The following CNTN5 variants were observed in gnomAD, a reference collection of about 807,000 sequenced individuals.
The protein encoded by CNTN5 is contactin 5.
A neutral mutation model predicts 129.1 loss-of-function variants in CNTN5; 77 were observed. The ratio of observed to expected loss-of-function variants is 0.60; its 90% CI spans 0.50 to 0.72. The LOEUF (loss-of-function observed/expected upper bound fraction) is 0.72, where lower values mean the gene tolerates loss of function less well. CNTN5 is among the 30% of genes least tolerant of loss of function. CNTN5 has a pLI of 0.00. For synonymous variants in CNTN5, 509 were observed against 465.6 expected (o/e 1.09, Z -1.20); for missense variants, 1,478 against 1,328.8 (o/e 1.11, Z -1.75).
intron 7 of CNTN5, among the ~76,000 whole-genome samples, chr11:99,940,251 T>A (rs1054847200): frequency 6.6e-6 from 1 of 152,130 alleles, no homozygotes; most frequent in Admixed American, 6.6e-5. Flanking sequence ...GGTTATGCAT[T>A]AAGATGATAT....
rs76656518 is a variant in CNTN5, at chr11:99,204,430, A to T, written c.-209-120916A>T. Among the ~76,000 whole-genome samples the T allele has an allele frequency of 3.8e-3, 580 of 152,246 alleles. 1 individual carries two copies. Among genetic ancestry groups the T allele is most frequent in the African/African-American group, 0.013 (535 of 41,550 alleles). On this transcript the variant is annotated intron_variant, in intron 1 of 24. Transcript: ENST00000524871. ...CACTTATTCCTTTTTTTCCCCTCTAACAGTTACAAGTCTTCATGTTATTGA... is the reference window on the plus strand; with the variant it reads ...CACTTATTCCTTTTTTTCCCCTCTATCAGTTACAAGTCTTCATGTTATTGA...
At chr11:99,690,850 G>A (rs1181905210) in intron 3 of CNTN5, among the ~76,000 whole-genome samples, 1 of 151,884 alleles carries the variant, frequency 6.6e-6, no homozygotes, top group Non-Finnish European at 1.5e-5. Flanking sequence ...ACTCTTTTTT[G>A]TACATCTGGT....
At chr11:99,791,309 T>A (rs1418985263) in intron 3 of CNTN5, among the ~76,000 whole-genome samples, 2 of 152,110 alleles carry the variant, frequency 1.3e-5, no homozygotes, top group African/African-American at 4.8e-5. Flanking sequence ...CCATCTTGAG[T>A]TGCTTCTTGT....
chr11:99,381,714 G>C (rs1231717736), intron 2 of CNTN5, among the ~76,000 whole-genome samples: 1 of 152,054 alleles, frequency 6.6e-6, no homozygotes, highest in Admixed American at 6.6e-5. Flanking sequence ...AAACTTTCTA[G>C]GACTCCTATT....
chr11:100,200,551 T>G (rs1373669761), intron 15 of CNTN5, among the ~76,000 whole-genome samples: 1 of 151,914 alleles, frequency 6.6e-6, no homozygotes, highest in Non-Finnish European at 1.5e-5. Context: ...AATTTTTATT[T>G]TGGTGTAGAA....
At chr11:99,517,389 GACT>G in intron 2 of CNTN5, among the ~76,000 whole-genome samples, 1 of 152,046 alleles carries the variant, frequency 6.6e-6, no homozygotes. Flanking sequence ...CTAATCACAT[GACT>G]CCTTTCCTTA....
chr11:99,982,841 C>T (rs1029975942), intron 8 of CNTN5, among the ~76,000 whole-genome samples: 1 of 152,160 alleles, frequency 6.6e-6, no homozygotes, highest in African/African-American at 2.4e-5. Context: ...CGGGGTTTCA[C>T]CGTATTAGCC....
At chr11:99,951,114 T>G (rs1041367225) in intron 7 of CNTN5, among the ~76,000 whole-genome samples, 6 of 152,164 alleles carry the variant, frequency 3.9e-5, no homozygotes, top group African/African-American at 1.2e-4. Context: ...TAAATAGCTT[T>G]CCTAAAGGTC....
intron 3 of CNTN5, among the ~76,000 whole-genome samples, chr11:99,672,330 C>T (rs1184021961): frequency 2.0e-5 from 3 of 151,878 alleles, no homozygotes; most frequent in Admixed American, 6.6e-5. Flanking sequence ...TAGTTTTTTT[C>T]TTAGTAGGCT....
At chr11:99,501,601 C>T (rs535727858) in intron 2 of CNTN5, among the ~76,000 whole-genome samples, 50 of 151,906 alleles carry the variant, frequency 3.3e-4, no homozygotes, top group Admixed American at 1.2e-3. Flanking sequence ...ATTCTTAGGA[C>T]AAAAAAAGTT....
At chr11:100,117,015 A>C (rs1945860912) in intron 13 of CNTN5, among the ~76,000 whole-genome samples, 1 of 152,006 alleles carries the variant, frequency 6.6e-6, no homozygotes, top group Non-Finnish European at 1.5e-5. Flanking sequence ...TGTGTCTATC[A>C]AAGTCACATG....
At chr11:99,310,784 GA>G (rs1175382462) in intron 1 of CNTN5, among the ~76,000 whole-genome samples, 3 of 152,052 alleles carry the variant, frequency 2.0e-5, no homozygotes, top group Non-Finnish European at 4.4e-5. Context: ...ATACTATTAT[GA>G]ATTGCCTATT....
intron 1 of CNTN5, among the ~76,000 whole-genome samples, chr11:99,279,233 C>T (rs1467055086): frequency 6.6e-6 from 1 of 151,760 alleles, no homozygotes; most frequent in Non-Finnish European, 1.5e-5. Context: ...TCTATTGTTA[C>T]TGAACTCTGA....
At chr11:99,225,254 CT>C (rs1353880573) in intron 1 of CNTN5, among the ~76,000 whole-genome samples, 1 of 152,002 alleles carries the variant, frequency 6.6e-6, no homozygotes, top group East Asian at 1.9e-4. Context: ...GATCGTGGCC[CT>C]CCGTGTGACA....
At chr11:99,311,205 G>T (rs974988596) in intron 1 of CNTN5, among the ~76,000 whole-genome samples, 3 of 152,150 alleles carry the variant, frequency 2.0e-5, no homozygotes, top group African/African-American at 7.2e-5. Context: ...GAGATTACAG[G>T]CATGAGCCAC....
rs1942314038 is a variant in CNTN5 at position 99,409,939 on chromosome 11, A to G, written c.-71+84455A>G. Among the ~76,000 whole-genome samples, 3 of 152,338 alleles carry G rather than the reference A, an allele frequency of 2.0e-5. No homozygotes were observed. In the South Asian group the frequency reaches 6.2e-4, roughly 32 times the overall value. ...TATCATTTATTGTTACTATATTCCA[A>G]TTTCTGTGCTAGGCACTTACACTTA... On this transcript the variant is annotated intron_variant, in intron 2 of 24. Transcript: ENST00000524871.
chr11:99,838,609 G>T (rs1947378246), intron 4 of CNTN5, among the ~76,000 whole-genome samples: 1 of 152,290 alleles, frequency 6.6e-6, no homozygotes, highest in South Asian at 2.1e-4. Context: ...CATGCTGTCA[G>T]TTATAGCTCC....
chr11:99,065,997 A>G (rs1379385655), intron 1 of CNTN5, among the ~76,000 whole-genome samples: 2 of 152,000 alleles, frequency 1.3e-5, no homozygotes, highest in Non-Finnish European at 2.9e-5. Flanking sequence ...TGACTGTGGA[A>G]TTTTTTATAA....
At chr11:99,095,682 CAT>C (rs989408882) in intron 1 of CNTN5, among the ~76,000 whole-genome samples, 1 of 151,702 alleles carries the variant, frequency 6.6e-6, no homozygotes, top group Non-Finnish European at 1.5e-5. Context: ...AGCTTATATG[CAT>C]ATTTGGATTG....
Sources: gnomAD v4.1 joint callset for allele counts (sites outside exome capture counted in the v4.1 genomes callset) on GRCh38, gnomAD v4.1.1 for gene constraint, MANE v1.5 for transcripts, NCBI Gene and HGNC (gene_info 2026-07-23, HGNC 2026-07-21) for gene names.